The following GAK variants were observed in gnomAD, a reference collection of about 807,000 sequenced individuals.
The protein encoded by GAK is cyclin G associated kinase.
A neutral mutation model predicts 143.9 loss-of-function variants in GAK; 79 were observed. The observed-to-expected ratio is 0.55, with a 90% CI of 0.46 to 0.66. The LOEUF is 0.66. Among genes scored for constraint, GAK ranks in the 30% least tolerant of loss-of-function variants. GAK has a pLI of 0.00. For missense variants in GAK, 1,693 were observed against 1,779.7 expected, an observed-to-expected ratio of 0.95 and a Z score of 0.88; for synonymous variants, 881 against 765.5, an observed-to-expected ratio of 1.15 and a Z score of -2.49.
In GAK at chr4:897,606, G is replaced by T. The variant is rs1389455274; in HGVS notation, c.651+427C>A. Among the ~76,000 whole-genome samples, 3 of 152,200 alleles carry T rather than the reference G, an allele frequency of 2.0e-5. No homozygotes were observed. In the East Asian group the frequency reaches 5.8e-4, roughly 29 times the overall value. ...GGGGCTGTGAGAGGGCATGGATGGG[G>T]CCACCCTGTGTTTTCAGCTCCACTT... On this transcript the variant is annotated intron_variant, in intron 6 of 27. Transcript: ENST00000314167.
At chr4:855,571 G>C (rs1227265358) in intron 24 of GAK, among the ~76,000 whole-genome samples, 1 of 152,200 alleles carries the variant, frequency 6.6e-6, no homozygotes, top group Non-Finnish European at 1.5e-5. Context: ...GTGTAACTTT[G>C]ATCTCCTTTT....
chr4:903,099 G>A (rs995168875), intron 5 of GAK, among the ~76,000 whole-genome samples: 6 of 150,268 alleles, frequency 4.0e-5, no homozygotes, highest in Non-Finnish European at 5.9e-5. Context: ...GCGCAGTGCC[G>A]GCAGCAGCAC....
At chr4:882,848 C>T (rs756785807) in intron 13 of GAK, 29 bp from the exon 14 acceptor site, 102 of 1,600,200 alleles carry the variant, frequency 6.4e-5, no homozygotes, top group Middle Eastern at 2.2e-4. Flanking sequence ...GTGGCACGGA[C>T]GGCAGAGGAG....
At chr4:865,090 G>A (rs964640254) in intron 23 of GAK, 32 bp downstream of exon 23, 1 of 1,597,050 alleles carries the variant, frequency 6.3e-7, no homozygotes, top group Non-Finnish European at 8.5e-7. Flanking sequence ...TGCACGTCTG[G>A]GAGCCCTGTC....
chr4:880,927 T>TG (rs1318543694), intron 15 of GAK, among the ~76,000 whole-genome samples: 3 of 152,228 alleles, frequency 2.0e-5, no homozygotes, highest in Non-Finnish European at 2.9e-5. Flanking sequence ...GCACCTGGCC[T>TG]GGGGGTGCCA....
At chr4:919,109 C>G (rs370426441) in intron 1 of GAK, among the ~76,000 whole-genome samples, 8 of 147,262 alleles carry the variant, frequency 5.4e-5, no homozygotes, top group African/African-American at 1.8e-4. Flanking sequence ...CCTCAGCGCC[C>G]CATGACCTTA....
chr4:907,929 C>A (rs1356264249), intron 4 of GAK, among the ~76,000 whole-genome samples: 1 of 152,152 alleles, frequency 6.6e-6, no homozygotes, highest in African/African-American at 2.4e-5. Context: ...CTGGGCCCGG[C>A]CCCTCTCCTT....
intron 1 of GAK, among the ~76,000 whole-genome samples, chr4:918,588 TGTG>T (rs745335919): frequency 2.0e-5 from 3 of 152,272 alleles, no homozygotes; most frequent in Non-Finnish European, 4.4e-5. Flanking sequence ...ACTAGCTAGA[TGTG>T]GTCATTCCAC....
At chr4:880,256 T>G (rs1394928037) in intron 15 of GAK, among the ~76,000 whole-genome samples, 3 of 151,122 alleles carry the variant, frequency 2.0e-5, no homozygotes, top group Non-Finnish European at 2.9e-5. Flanking sequence ...TCTCCACAGC[T>G]CTGACATGTG....
intron 26 of GAK, 134 bp from the exon 27 acceptor site, chr4:850,202 TC>T: frequency 1.2e-6 from 1 of 804,022 alleles, no homozygotes; most frequent in Non-Finnish European, 1.9e-6. Context: ...ACAGACACTG[TC>T]CCACTGCACG....
intron 15 of GAK, among the ~76,000 whole-genome samples, chr4:880,991 G>A (rs1714986341): frequency 6.6e-6 from 1 of 152,160 alleles, no homozygotes; most frequent in South Asian, 2.1e-4. Context: ...TCCTCTTGCC[G>A]GGGGTCACAC....
chr4:921,269 A>C (rs1182854059), intron 1 of GAK, among the ~76,000 whole-genome samples: 1 of 152,056 alleles, frequency 6.6e-6, no homozygotes, highest in Non-Finnish European at 1.5e-5. Context: ...CGCCCGGCTA[A>C]TTTTTGTATT....
At chr4:905,654 C>T (rs1000731040) in intron 4 of GAK, among the ~76,000 whole-genome samples, 9 of 151,968 alleles carry the variant, frequency 5.9e-5, no homozygotes, top group African/African-American at 1.5e-4. Context: ...GGCCATGCCA[C>T]GGACTCTGCC....
intron 24 of GAK, among the ~76,000 whole-genome samples, chr4:857,060 C>T (rs563249066): frequency 2.0e-5 from 3 of 152,346 alleles, no homozygotes; most frequent in South Asian, 4.1e-4. Flanking sequence ...AAAGTAATTA[C>T]GGTTTTTGTG....
At chr4:926,875 ACCCC>A (rs1179508436) in intron 1 of GAK, among the ~76,000 whole-genome samples, 3 of 7,140 alleles carry the variant, frequency 4.2e-4, no homozygotes, top group Non-Finnish European at 5.9e-4. Flanking sequence ...CTGCCCCGCA[ACCCC>A]CCCCACCCCG....
chr4:915,082 CCA>C lies in GAK; in HGVS notation c.146-1416_146-1415del, dbSNP rs371226834. On this transcript the variant is annotated intron_variant, in intron 1 of 27. Transcript: ENST00000314167. ...ACACACAGTCCCAGCGTGCACGGCC[CCA>C]CACACACAGCCCCAGCGTACACGGC... Among the ~76,000 whole-genome samples, 866 of 136,252 alleles carry C rather than the reference CCA, an allele frequency of 6.4e-3. 17 individuals are homozygous for C. The highest frequency in any genetic ancestry group is 0.022 in the African/African-American group (782 of 35,518). The allele number at this position is 136,252 out of a possible 152,430, so 89.4% of individuals were successfully genotyped here.
intron 23 of GAK, among the ~76,000 whole-genome samples, chr4:862,290 TC>T (rs1750430567): frequency 1.3e-5 from 2 of 151,988 alleles, no homozygotes; most frequent in Non-Finnish European, 2.9e-5. Flanking sequence ...TCCGCTAAGA[TC>T]CGGCTGAGAC....
At position 893,937 on chromosome 4, in the gene GAK, C is replaced by G. The variant is rs1371066484; in HGVS notation, c.814G>C (p.Val272Leu). ...GGGGGGATCGAGTACTTCCCATTGA[C>G]TATTCGAAGTTTCGCTCCATCCTCA... is the stretch of plus-strand genomic sequence containing the variant. ...PFEDGAKLRIVNGKYSIPPHD... is the reference protein window; with the variant it reads ...PFEDGAKLRILNGKYSIPPHD... Residue 272 changes from valine (V) to leucine (L), a missense_variant, in exon 8 of 28, where the codon GTC (valine) becomes CTC (leucine). Physicochemically the swap from Val to Leu is conservative, Grantham distance 32. This residue lies in a region of GAK where 871 missense variants were observed against 991.0 expected (regional missense o/e 0.88). Coordinates refer to ENST00000314167, the MANE Select transcript of GAK (RefSeq NM_005255.4). 1 of 1,613,056 alleles carries G rather than the reference C, an allele frequency of 6.2e-7. No individual in the cohort carries two copies. The highest frequency in any genetic ancestry group is 8.5e-7 in the Non-Finnish European group (1 of 1,179,784).
intron 1 of GAK, among the ~76,000 whole-genome samples, chr4:914,543 C>T (rs1205528361): frequency 8.2e-6 from 1 of 121,988 alleles, no homozygotes; most frequent in Non-Finnish European, 1.7e-5. Flanking sequence ...GCCACACACA[C>T]ACAGCCCCAG....
Sources: gnomAD v4.1 joint callset for allele counts (sites outside exome capture counted in the v4.1 genomes callset) on GRCh38, gnomAD v4.1.1 for gene constraint, gnomAD v4.1.1 regional missense constraint, MANE v1.5 for transcripts, NCBI Gene and HGNC (gene_info 2026-07-23, HGNC 2026-07-21) for gene names.